TRABD2A: variants seen among roughly 807,000 people sequenced by gnomAD.
The protein encoded by TRABD2A is metalloprotease TIKI1.
A neutral mutation model predicts 45.6 loss-of-function variants in TRABD2A; 43 were observed. The observed-to-expected ratio is 0.94, with a 90% CI of 0.74 to 1.22. The LOEUF (loss-of-function observed/expected upper bound fraction) is 1.22. TRABD2A is among the 50% of genes most tolerant of loss of function. The probability of loss-of-function intolerance (pLI) is 0.00; values close to 1 mark genes in which losing one functional copy is unlikely to be tolerated. For synonymous variants in TRABD2A, 269 were observed against 265.0 expected (o/e 1.02, Z -0.15); for missense variants, 642 against 652.4 (o/e 0.98, Z 0.17).
At position 84,824,160 on chromosome 2, in the gene TRABD2A, A is replaced by G. The variant is rs1460986421; in HGVS notation, c.1127T>C (p.Ile376Thr). 1.9e-6 allele frequency: 3 copies of G among 1,613,836 alleles called. No homozygotes were observed. Among genetic ancestry groups the G allele is most frequent in the Non-Finnish European group, 2.5e-6 (3 of 1,179,896 alleles). ...KTSTRPTLST[I>T]FAPKVPTLEV... ...CAGGGTAGGGACTTTTGGAGCAAAGATGGTGGACAGAGTGGGCCGTGTGGA... is the reference window on the plus strand; with the variant it reads ...CAGGGTAGGGACTTTTGGAGCAAAGGTGGTGGACAGAGTGGGCCGTGTGGA... Residue 376 changes from isoleucine to threonine, a missense_variant, in exon 6 of 7, where the codon ATC becomes ACC. By Grantham distance (89) the Ile-to-Thr change is moderately conservative. Transcript: ENST00000409520.
At chr2:84,868,246 C>T (rs2105406471) in intron 2 of TRABD2A, among the ~76,000 whole-genome samples, 1 of 152,254 alleles carries the variant, frequency 6.6e-6, no homozygotes, top group Non-Finnish European at 1.5e-5. Context: ...CCTTGGAATA[C>T]TATGCAGCCA....
At chr2:84,845,051 G>A (rs1303940769) in intron 2 of TRABD2A, among the ~76,000 whole-genome samples, 1 of 152,176 alleles carries the variant, frequency 6.6e-6, no homozygotes, top group Non-Finnish European at 1.5e-5. Flanking sequence ...CCACATCACA[G>A]ATTAAATAAG....
intron 5 of TRABD2A, among the ~76,000 whole-genome samples, chr2:84,829,753 A>C (rs930871388): frequency 9.3e-5 from 14 of 149,974 alleles, no homozygotes; most frequent in Non-Finnish European, 4.5e-5. Context: ...CACACCAGCC[A>C]TGTTCCACAC....
Position 84,821,900 on chromosome 2 carries a change from C to G in TRABD2A, c.*17G>C. ...CAAGTCCGAGGGGTCAGGTTCTTAG[C>G]CTGGTGCTTCCAGTCGTTACAGGAG... On this transcript the variant is annotated 3_prime_UTR_variant, in exon 7 of 7. Transcript: ENST00000409520. 1.3e-6 allele frequency: 2 copies of G among 1,564,628 alleles called. No individual in the cohort carries two copies. Among genetic ancestry groups the G allele is most frequent in the Non-Finnish European group, 1.7e-6 (2 of 1,154,312 alleles).
intron 2 of TRABD2A, among the ~76,000 whole-genome samples, chr2:84,852,269 G>A (rs987875240): frequency 6.6e-6 from 1 of 152,222 alleles, no homozygotes; most frequent in African/African-American, 2.4e-5. Context: ...GGCTCTCTTA[G>A]TGTAGCAGCA....
At position 84,848,403 on chromosome 2, in the gene TRABD2A, CAGACAGACAGATAGAT is replaced by C. The variant is rs1452549370; in HGVS notation, c.670-6412_670-6397del. Among the ~76,000 whole-genome samples the C allele has an allele frequency of 2.9e-3, 425 of 147,256 alleles. 1 individual carries two copies. The highest frequency in any genetic ancestry group is 0.011 in the African/African-American group (411 of 38,128). ...ACAGACAGACAGACAGACAGACAGA[CAGACAGACAGATAGAT>C]AGTCTCCACTTTCGTTTTGCTGCTT... On this transcript the variant is annotated intron_variant, in intron 2 of 6. Transcript: ENST00000409520.
At chr2:84,866,813 G>A (rs1411570418) in intron 2 of TRABD2A, among the ~76,000 whole-genome samples, 2 of 152,146 alleles carry the variant, frequency 1.3e-5, no homozygotes, top group Admixed American at 1.3e-4. Context: ...GGCCAGGTGT[G>A]GCGGCTCACG....
At chr2:84,856,875 C>A (rs1268790545) in intron 2 of TRABD2A, among the ~76,000 whole-genome samples, 2 of 152,152 alleles carry the variant, frequency 1.3e-5, no homozygotes, top group African/African-American at 2.4e-5. Flanking sequence ...TTCTAACCTC[C>A]CATGTCACCA....
Position 84,842,111 on chromosome 2 carries a change from T to G in TRABD2A, c.670-104A>C, listed in dbSNP as rs1044798564. The G allele has an allele frequency of 1.7e-5, 21 of 1,233,116 alleles. No homozygotes were observed. In the Admixed American group the frequency reaches 3.1e-4, roughly 18 times the overall value. 76.4% of individuals were successfully genotyped at this position (1,233,116 alleles called of 1,614,324 possible). A position where few individuals can be genotyped will look rare whatever the true frequency, so the allele number is the denominator to read the frequency against. ...AATACCTTCACCTTTGTGCTCGTTATGTAAGGACGTGGATAGTGCTACTTA... is the reference window on the plus strand; with the variant it reads ...AATACCTTCACCTTTGTGCTCGTTAGGTAAGGACGTGGATAGTGCTACTTA... On this transcript the variant is annotated intron_variant, in intron 2 of 6. Transcript: ENST00000409520.
intron 2 of TRABD2A, among the ~76,000 whole-genome samples, chr2:84,856,303 C>T (rs1219479710): frequency 3.9e-5 from 6 of 152,056 alleles, no homozygotes; most frequent in African/African-American, 1.4e-4. Flanking sequence ...CGCAGCCACT[C>T]TTCCAAATAC....
intron 2 of TRABD2A, among the ~76,000 whole-genome samples, chr2:84,867,654 C>A (rs1682724541): frequency 6.6e-6 from 1 of 152,168 alleles, no homozygotes; most frequent in Admixed American, 6.5e-5. Flanking sequence ...AGGCAGCCTA[C>A]AGAATGGGAG....
At chr2:84,861,436 G>T (rs572515773) in intron 2 of TRABD2A, among the ~76,000 whole-genome samples, 52 of 152,136 alleles carry the variant, frequency 3.4e-4, no homozygotes, top group African/African-American at 1.1e-3. Flanking sequence ...CCTAGATCTC[G>T]CATGCACAGT....
At chr2:84,875,569 AGT>A (rs150674278) in intron 1 of TRABD2A, among the ~76,000 whole-genome samples, 2,210 of 152,314 alleles carry the variant, frequency 0.015, 51 homozygotes, top group African/African-American at 0.05. Flanking sequence ...ATCAGCTGAC[AGT>A]GTGTTCAAAG....
chr2:84,826,300 A>G lies in TRABD2A; in HGVS notation c.1083-2096T>C, dbSNP rs114160990. 5.7e-3 allele frequency among the ~76,000 whole-genome samples: 868 copies of G among 152,094 alleles called. 9 individuals carry two copies. The highest frequency in any genetic ancestry group is 0.02 in the African/African-American group (817 of 41,498). Reference sequence around the variant, plus strand: ...AACAAACAAAGACCTCACCCCAGAAACTCCAGGTAGCCAAGGCCAGGGCTT... The same window carrying G: ...AACAAACAAAGACCTCACCCCAGAAGCTCCAGGTAGCCAAGGCCAGGGCTT... On this transcript the variant is annotated intron_variant, in intron 5 of 6. Transcript: ENST00000409520.
chr2:84,875,807 A>G (rs952515209), intron 1 of TRABD2A, among the ~76,000 whole-genome samples: 4 of 152,114 alleles, frequency 2.6e-5, no homozygotes, highest in Admixed American at 2.0e-4. Context: ...AGCCTGGACA[A>G]CATAGCAAGA....
intron 1 of TRABD2A, among the ~76,000 whole-genome samples, chr2:84,872,220 T>A (rs1216714213): frequency 6.6e-6 from 1 of 152,098 alleles, no homozygotes; most frequent in African/African-American, 2.4e-5. Context: ...AAAGACTATA[T>A]ATATTTCGGC....
Position 84,821,951 on chromosome 2 carries a change from A to T in TRABD2A, c.1484T>A (p.Val495Glu), listed in dbSNP as rs926454222. ...GGGTGTCTCTGTTTGGAAAGCCAGC[A>T]CCAGCACCCAGAACACAGGAGTCCA... The part of the protein sequence containing the change: ...SLWTPVFWVL[V>E]LAFQTETPLL The change falls in exon 7 of 7, where the codon GTG (valine) becomes GAG (glutamate). Residue 495 changes from valine to glutamate, a missense_variant. Physicochemically the swap from Val to Glu is moderately radical, Grantham distance 121. Coordinates refer to ENST00000409520, the MANE Select transcript of TRABD2A (RefSeq NM_001277053.2). The T allele has an allele frequency of 1.7e-5, 27 of 1,604,472 alleles. No individual in the cohort carries two copies. Among genetic ancestry groups the T allele is most frequent in the Non-Finnish European group, 2.1e-5 (25 of 1,175,506 alleles).
chr2:84,852,757 T>A (rs569396219), intron 2 of TRABD2A, among the ~76,000 whole-genome samples: 1 of 152,098 alleles, frequency 6.6e-6, no homozygotes, highest in African/African-American at 2.4e-5. Context: ...TTTATCTCCA[T>A]TGTGCAGAGT....
intron 2 of TRABD2A, among the ~76,000 whole-genome samples, chr2:84,863,483 CG>C (rs1278433319): frequency 1.3e-5 from 2 of 151,288 alleles, no homozygotes; most frequent in Non-Finnish European, 2.9e-5. Context: ...CCGCCCGCCT[CG>C]GCCTCCCAAA....
Sources: allele counts gnomAD v4.1 joint callset (sites outside exome capture counted in the v4.1 genomes callset), GRCh38; gene constraint gnomAD v4.1.1; transcripts MANE v1.5; gene names NCBI Gene and HGNC (gene_info 2026-07-23, HGNC 2026-07-21).